CSMD1: variants seen among roughly 807,000 people sequenced by gnomAD.
The protein encoded by CSMD1 is CUB and Sushi multiple domains 1.
CSMD1 carries 213 observed loss-of-function variants against 417.5 expected under a neutral mutation model. The ratio of observed to expected loss-of-function variants is 0.51; its 90% CI spans 0.46 to 0.57. CSMD1 has a LOEUF of 0.57. Ranked by LOEUF, CSMD1 falls within the 20% of genes least tolerant of loss-of-function variation. The pLI is 0.00. For missense variants in CSMD1, 6,923 were observed against 4,529.7 expected (o/e 1.53, Z -15.17); for synonymous variants, 2,862 against 1,736.8 (o/e 1.65, Z -16.11).
intron 1 of CSMD1, among the ~76,000 whole-genome samples, chr8:4,783,003 T>G (rs886768051): frequency 6.6e-6 from 1 of 150,590 alleles, no homozygotes; most frequent in South Asian, 2.1e-4. Flanking sequence ...AAATGTGAGA[T>G]CCAGATGGTC....
At chr8:3,729,697 T>C (rs1051133097) in intron 6 of CSMD1, among the ~76,000 whole-genome samples, 1 of 151,956 alleles carries the variant, frequency 6.6e-6, no homozygotes, top group Non-Finnish European at 1.5e-5. Context: ...TCGCCTCTTC[T>C]TCTGCTAAGT....
At chr8:4,288,850 C>G (rs1006515822) in intron 3 of CSMD1, among the ~76,000 whole-genome samples, 2 of 152,114 alleles carry the variant, frequency 1.3e-5, no homozygotes, top group African/African-American at 2.4e-5. Context: ...ATATAGGATA[C>G]CAGTATGCTA....
chr8:3,729,922 T>TAAAAAA (rs1160679199), intron 6 of CSMD1, among the ~76,000 whole-genome samples: 8 of 47,070 alleles, frequency 1.7e-4, no homozygotes, highest in African/African-American at 1.1e-3. Flanking sequence ...CAATTCAAAG[T>TAAAAAA]AAAAAAAAAA....
intron 2 of CSMD1, among the ~76,000 whole-genome samples, chr8:4,627,075 T>C (rs1030226887): frequency 6.6e-6 from 1 of 152,182 alleles, no homozygotes; most frequent in Non-Finnish European, 1.5e-5. Flanking sequence ...TCACATATTT[T>C]GTATATAGCA....
intron 3 of CSMD1, among the ~76,000 whole-genome samples, chr8:4,290,665 A>G (rs1367846442): frequency 6.6e-6 from 1 of 152,222 alleles, no homozygotes; most frequent in African/African-American, 2.4e-5. Flanking sequence ...ATTATGATCC[A>G]GGTTTAAGTA....
intron 30 of CSMD1, among the ~76,000 whole-genome samples, chr8:3,214,032 G>A (rs549759430): frequency 6.6e-6 from 1 of 151,970 alleles, no homozygotes; most frequent in African/African-American, 2.4e-5. Context: ...TTTTAGCGGA[G>A]ACAGGGTTTC....
intron 50 of CSMD1, among the ~76,000 whole-genome samples, chr8:3,041,530 C>T (rs1811100671): frequency 6.6e-6 from 1 of 152,052 alleles, no homozygotes. Context: ...TTTGAAATGT[C>T]AATGTAAGTG....
chr8:3,105,830 A>G (rs1480454343), intron 46 of CSMD1, among the ~76,000 whole-genome samples: 2 of 152,268 alleles, frequency 1.3e-5, no homozygotes, highest in Non-Finnish European at 2.9e-5. Flanking sequence ...TAGAAAGATA[A>G]CAGATAGGCA....
intron 2 of CSMD1, among the ~76,000 whole-genome samples, chr8:4,446,347 A>C (rs1381989218): frequency 6.6e-6 from 1 of 152,078 alleles, no homozygotes; most frequent in Non-Finnish European, 1.5e-5. Context: ...CAGGAGTTTG[A>C]AACCAGCCTG....
intron 12 of CSMD1, among the ~76,000 whole-genome samples, chr8:3,427,622 T>C (rs1813939972): frequency 6.6e-6 from 1 of 152,210 alleles, no homozygotes; most frequent in Admixed American, 6.5e-5. Context: ...GCAAATCTAG[T>C]GTTCATAGAG....
intron 5 of CSMD1, among the ~76,000 whole-genome samples, chr8:3,879,308 C>G (rs1189442356): frequency 6.6e-6 from 1 of 151,254 alleles, no homozygotes; most frequent in Non-Finnish European, 1.5e-5. Flanking sequence ...CAAAAATGTC[C>G]TGCAGCCAAA....
chr8:3,082,575 C>A (rs886416550), intron 49 of CSMD1, among the ~76,000 whole-genome samples: 16 of 152,188 alleles, frequency 1.1e-4, no homozygotes, highest in African/African-American at 3.9e-4. Context: ...TTTTTATTCA[C>A]CTTGGTACCC....
At chr8:4,144,338 C>A (rs188324413) in intron 3 of CSMD1, among the ~76,000 whole-genome samples, 17 of 151,260 alleles carry the variant, frequency 1.1e-4, no homozygotes, top group Middle Eastern at 3.4e-3. Context: ...CATTCTACTT[C>A]TCTTCTTTCT....
At chr8:3,956,385 G>A (rs796480093) in intron 5 of CSMD1, among the ~76,000 whole-genome samples, 14 of 152,278 alleles carry the variant, frequency 9.2e-5, no homozygotes, top group African/African-American at 3.4e-4. Context: ...GAGAGAGCTA[G>A]AATTTGAAGC....
At chr8:4,970,829 T>C (rs7004026) in intron 1 of CSMD1, among the ~76,000 whole-genome samples, 78,885 of 151,820 alleles carry the variant, frequency 0.52, 21,024 homozygotes, top group Middle Eastern at 0.63. Context: ...GCTCTAGTCA[T>C]CAAAATCAAA....
intron 1 of CSMD1, among the ~76,000 whole-genome samples, chr8:4,661,012 G>A (rs2072384752): frequency 6.6e-6 from 1 of 152,134 alleles, no homozygotes; most frequent in African/African-American, 2.4e-5. Context: ...TACATACATT[G>A]CTGGTTGGAA....
At chr8:3,886,303 C>T (rs974640230) in intron 5 of CSMD1, among the ~76,000 whole-genome samples, 1 of 152,180 alleles carries the variant, frequency 6.6e-6, no homozygotes, top group Non-Finnish European at 1.5e-5. Context: ...ACTGCCTCAG[C>T]CTCTCAAAGT....
chr8:3,223,964 A>C, intron 27 of CSMD1, 97 bp from the exon 28 acceptor site: 3 of 1,218,048 alleles, frequency 2.5e-6, no homozygotes, highest in South Asian at 1.4e-5. Flanking sequence ...TTTAAGAAAA[A>C]GACATCAGCA....
chr8:3,177,162 C>T (rs555112313), intron 37 of CSMD1, among the ~76,000 whole-genome samples: 8 of 152,252 alleles, frequency 5.3e-5, no homozygotes, highest in South Asian at 2.1e-4. Flanking sequence ...TGGGGAAAGG[C>T]GACCAGAAAA....
Sources: allele counts gnomAD v4.1 joint callset (sites outside exome capture counted in the v4.1 genomes callset), GRCh38; gene constraint gnomAD v4.1.1; transcripts MANE v1.5; gene names NCBI Gene and HGNC (gene_info 2026-07-23, HGNC 2026-07-21).